SV2C: variants seen among roughly 807,000 people sequenced by gnomAD.
SV2C encodes the protein solute carrier family 22 member B3.
Under a neutral mutation model 79.7 loss-of-function variants are expected in SV2C, and 49 were observed. The observed-to-expected ratio is 0.61, with a 90% CI of 0.49 to 0.78. The LOEUF is 0.78. SV2C is among the 30% of genes least tolerant of loss of function. The pLI, the probability that SV2C is intolerant of heterozygous loss-of-function variation, is 0.00. For synonymous variants in SV2C, 334 were observed against 333.2 expected, an observed-to-expected ratio of 1.00 and a Z score of -0.03; for missense variants, 833 against 912.9, an observed-to-expected ratio of 0.91 and a Z score of 1.13.
chr5:76,029,880 TG>T, the SV2C span, among the ~76,000 whole-genome samples: 1 of 152,210 alleles, frequency 6.6e-6, no homozygotes, highest in Non-Finnish European at 1.5e-5. Flanking sequence ...GTAAGAGCTC[TG>T]GGTACAGCCA....
chr5:75,981,084 G>A, the SV2C span, among the ~76,000 whole-genome samples: 2 of 152,080 alleles, frequency 1.3e-5, no homozygotes, highest in African/African-American at 4.8e-5. Context: ...GTCAAGCCAA[G>A]AGCCAAATCA....
intron 1 of SV2C, among the ~76,000 whole-genome samples, chr5:76,096,346 CTG>C (rs1396465748): frequency 6.6e-6 from 1 of 152,118 alleles, no homozygotes; most frequent in Non-Finnish European, 1.5e-5. Flanking sequence ...AAAAGGAAAA[CTG>C]TCTCATTTGA....
chr5:75,915,923 T>C, the SV2C span, among the ~76,000 whole-genome samples: 1 of 152,106 alleles, frequency 6.6e-6, no homozygotes, highest in Non-Finnish European at 1.5e-5. Context: ...GGTAGGAATA[T>C]GCATCTGGGG....
Position 76,285,202 on chromosome 5 carries a change from T to G in SV2C, c.954T>G (p.Ser318Arg). Residue 318 changes from serine (S) to arginine (R), a missense_variant, in exon 5 of 13, where the codon AGT becomes AGG. Ser to Arg is a moderately radical substitution (Grantham distance 110, BLOSUM62 -1). Transcript: ENST00000502798. ...TGGGATCGGCCTACCAGTTTCACAGTTGGCGTGTGTTTGTCATCGTCTGTG... is the reference window on the plus strand; with the variant it reads ...TGGGATCGGCCTACCAGTTTCACAGGTGGCGTGTGTTTGTCATCGTCTGTG... The part of the protein sequence containing the change: ...FSMGSAYQFH[S>R]WRVFVIVCAL... The G allele has an allele frequency of 6.2e-7, 1 of 1,614,208 alleles. No homozygotes were observed. Among genetic ancestry groups the G allele is most frequent in the Admixed American group, 1.7e-5 (1 of 60,028 alleles).
At chr5:76,102,033 A>G (rs563483158) in intron 1 of SV2C, among the ~76,000 whole-genome samples, 1 of 152,304 alleles carries the variant, frequency 6.6e-6, no homozygotes, top group East Asian at 1.9e-4. Context: ...ACTTCCTAAC[A>G]GGATCTTTGG....
At chr5:76,338,236 C>A (rs1046025257), downstream of SV2C, among the ~76,000 whole-genome samples, 1 of 152,240 alleles carries the variant, frequency 6.6e-6, no homozygotes, top group East Asian at 1.9e-4. Context: ...TAAGCTCCAA[C>A]CTTGACTCCA....
At chr5:76,323,327 T>A (rs1319288823) in intron 12 of SV2C, among the ~76,000 whole-genome samples, 1 of 152,116 alleles carries the variant, frequency 6.6e-6, no homozygotes, top group Non-Finnish European at 1.5e-5. Context: ...AAATCAAAAC[T>A]GCAATGAGAT....
At chr5:75,858,546 A>G in the SV2C span, among the ~76,000 whole-genome samples, 1 of 152,158 alleles carries the variant, frequency 6.6e-6, no homozygotes, top group African/African-American at 2.4e-5. Flanking sequence ...TTCTTCAGGG[A>G]CATTGGGCTG....
intron 12 of SV2C, among the ~76,000 whole-genome samples, chr5:76,322,178 C>A (rs933091041): frequency 1.3e-5 from 2 of 152,176 alleles, no homozygotes; most frequent in Non-Finnish European, 2.9e-5. Flanking sequence ...TGATAAGCAA[C>A]TTCAGCAAAG....
At chr5:76,016,908 T>C in the SV2C span, among the ~76,000 whole-genome samples, 1 of 152,232 alleles carries the variant, frequency 6.6e-6, no homozygotes, top group Non-Finnish European at 1.5e-5. Flanking sequence ...GCAAAGGTGG[T>C]GCATGTCATT....
intron 1 of SV2C, among the ~76,000 whole-genome samples, chr5:76,124,883 A>T (rs1748648676): frequency 6.6e-6 from 1 of 152,200 alleles, no homozygotes; most frequent in African/African-American, 2.4e-5. Context: ...GGAAAGAAAG[A>T]TTCTGTACTA....
chr5:76,044,375 G>C, the SV2C span, among the ~76,000 whole-genome samples: 1 of 152,128 alleles, frequency 6.6e-6, no homozygotes, highest in Non-Finnish European at 1.5e-5. Context: ...GAACATACAC[G>C]TGTATGTATC....
chr5:76,054,053 T>A, the SV2C span, among the ~76,000 whole-genome samples: 6 of 152,110 alleles, frequency 3.9e-5, no homozygotes, highest in Admixed American at 2.6e-4. Context: ...GGTATGCAAG[T>A]GCCATGGTGG....
chr5:76,187,655 T>C (rs1392271861), intron 2 of SV2C, among the ~76,000 whole-genome samples: 1 of 151,974 alleles, frequency 6.6e-6, no homozygotes, highest in Non-Finnish European at 1.5e-5. Flanking sequence ...GAACACATAA[T>C]GGCCCCTACT....
At chr5:76,271,697 G>T (rs1746872234) in intron 4 of SV2C, among the ~76,000 whole-genome samples, 1 of 135,180 alleles carries the variant, frequency 7.4e-6, no homozygotes, top group Non-Finnish European at 1.5e-5. Context: ...TCGAACTCCT[G>T]ACCTCCTGAT....
the SV2C span, among the ~76,000 whole-genome samples, chr5:75,887,419 C>T: frequency 1.3e-5 from 2 of 151,818 alleles, no homozygotes; most frequent in African/African-American, 2.4e-5. Flanking sequence ...ATGAGCTCAA[C>T]TTTTTTAGAT....
chr5:76,181,498 C>T (rs757201968), intron 2 of SV2C, among the ~76,000 whole-genome samples: 1 of 152,162 alleles, frequency 6.6e-6, no homozygotes, highest in Non-Finnish European at 1.5e-5. Context: ...CTCATAGTTT[C>T]ACAAGCTTAA....
intron 1 of SV2C, among the ~76,000 whole-genome samples, chr5:76,123,480 A>C (rs926795604): frequency 2.0e-5 from 3 of 152,210 alleles, no homozygotes; most frequent in African/African-American, 7.2e-5. Context: ...AATCCTCAAT[A>C]AAATACTGGC....
the SV2C span, among the ~76,000 whole-genome samples, chr5:75,971,740 G>A: frequency 6.6e-6 from 1 of 152,038 alleles, no homozygotes; most frequent in Non-Finnish European, 1.5e-5. Context: ...CGTGAAAATG[G>A]CCATACTGCC....
Sources: allele counts gnomAD v4.1 joint callset (sites outside exome capture counted in the v4.1 genomes callset), GRCh38; gene constraint gnomAD v4.1.1; transcripts MANE v1.5; gene names NCBI Gene and HGNC (gene_info 2026-07-23, HGNC 2026-07-21).